The following ZMAT2 variants were observed in gnomAD, a reference collection of about 807,000 sequenced individuals.
ZMAT2 encodes zinc finger matrin-type 2.
Under a neutral mutation model 27.5 loss-of-function variants are expected in ZMAT2, and 5 were observed. The ratio of observed to expected loss-of-function variants is 0.18; its 90% confidence interval spans 0.10 to 0.38. ZMAT2 has a LOEUF of 0.38. ZMAT2 is among the 10% of genes least tolerant of loss of function. The probability of loss-of-function intolerance (pLI) is 1.00; values close to 1 mark genes in which losing one functional copy is unlikely to be tolerated. For missense variants in ZMAT2, 124 were observed against 243.9 expected (o/e 0.51, Z 3.27); for synonymous variants, 76 against 78.6 (o/e 0.97, Z 0.17).
intron 5 of ZMAT2, 74 bp downstream of exon 5, chr5:140,704,645 C>A: frequency 6.6e-7 from 1 of 1,509,856 alleles, no homozygotes; most frequent in South Asian, 1.2e-5. Flanking sequence ...ACCCTGTCCT[C>A]ATCCCACTCC....
chr5:140,703,822 C>A, intron 3 of ZMAT2, 96 bp from the exon 4 acceptor site: 1 of 1,168,218 alleles, frequency 8.6e-7, no homozygotes, highest in South Asian at 1.2e-5. Context: ...CTTAACACTT[C>A]TAAAAAGAAG....
chr5:140,705,890 G>C lies in ZMAT2; in HGVS notation c.*134G>C. On this transcript the variant is annotated 3_prime_UTR_variant, in exon 6 of 6. Coordinates refer to ENST00000274712, the MANE Select transcript of ZMAT2 (RefSeq NM_144723.3). ...TGTCAATGGGGAGGGATAGAGGGTG[G>C]GGGCTCATGGTTTCCCTCTACTTTG... The C allele has an allele frequency of 1.1e-5, 13 of 1,188,124 alleles. No homozygotes were observed. Among genetic ancestry groups the C allele is most frequent in the Non-Finnish European group, 1.4e-5 (12 of 866,304 alleles). 73.6% of individuals were successfully genotyped at this position (1,188,124 alleles called of 1,614,324 possible). A position where few individuals can be genotyped will look rare whatever the true frequency, so the allele number is the denominator to read the frequency against.
intron 3 of ZMAT2, among the ~76,000 whole-genome samples, chr5:140,702,964 G>C (rs188229704): frequency 6.6e-6 from 1 of 152,278 alleles, no homozygotes; most frequent in East Asian, 1.9e-4. Flanking sequence ...GTTATCTATT[G>C]TTATGTAAAT....
At chr5:140,705,287 T>C (rs1760035908) in intron 5 of ZMAT2, among the ~76,000 whole-genome samples, 1 of 151,434 alleles carries the variant, frequency 6.6e-6, no homozygotes, top group Non-Finnish European at 1.5e-5. Context: ...ATACCCACTG[T>C]CCCCCACAAC....
intron 3 of ZMAT2, among the ~76,000 whole-genome samples, chr5:140,703,685 ACT>A (rs1003328189): frequency 1.3e-4 from 19 of 151,788 alleles, no homozygotes; most frequent in African/African-American, 4.6e-4. Flanking sequence ...AAACAGACCA[ACT>A]CTGGTACAAA....
chr5:140,705,984 A>G lies in ZMAT2; in HGVS notation c.*228A>G. On this transcript the variant is annotated 3_prime_UTR_variant, in exon 6 of 6. Transcript: ENST00000274712. ...TCTGCCTCAGTGTATCACTGGAGTCACAGGACCCTGCCCACCTGAGTTCCC... is the reference window on the plus strand; with the variant it reads ...TCTGCCTCAGTGTATCACTGGAGTCGCAGGACCCTGCCCACCTGAGTTCCC... 4.1e-6 allele frequency: 2 copies of G among 490,654 alleles called. No homozygotes were observed. Among genetic ancestry groups the G allele is most frequent in the Non-Finnish European group, 6.8e-6 (2 of 293,970 alleles). The allele number at this position is 490,654 out of a possible 1,614,324, so 30.4% of individuals were successfully genotyped here.
At chr5:140,702,236 C>T (rs1759975302) in intron 3 of ZMAT2, 107 bp downstream of exon 3, 11 of 1,365,568 alleles carry the variant, frequency 8.1e-6, no homozygotes, top group Non-Finnish European at 1.0e-5. Context: ...GGATTACGTC[C>T]TTCTTGCCTG....
intron 1 of ZMAT2, 77 bp downstream of exon 1, chr5:140,700,555 C>CA: frequency 1.2e-6 from 2 of 1,603,850 alleles, no homozygotes; most frequent in Non-Finnish European, 1.7e-6. Flanking sequence ...CAAACTCCTG[C>CA]ACCCGACTGG....
At chr5:140,704,909 C>A (rs1760030890) in intron 5 of ZMAT2, among the ~76,000 whole-genome samples, 2 of 150,524 alleles carry the variant, frequency 1.3e-5, no homozygotes, top group Non-Finnish European at 2.9e-5. Context: ...TATCATAAGT[C>A]AAAAATACAT....
chr5:140,704,286 A>C, intron 4 of ZMAT2, 140 bp from the exon 5 acceptor site: 1 of 1,200,910 alleles, frequency 8.3e-7, no homozygotes, highest in Non-Finnish European at 1.2e-6. Context: ...TCCTGGACCC[A>C]GCTGGCCAAG....
At chr5:140,705,568 T>C (rs557631403) in intron 5 of ZMAT2, 45 bp from the exon 6 acceptor site, 3 of 1,562,966 alleles carry the variant, frequency 1.9e-6, no homozygotes, top group Admixed American at 2.0e-5. Context: ...CAAACAACAT[T>C]TGGCTGAGGA....
Position 140,700,452 on chromosome 5 carries a change from G to T in ZMAT2, c.-9G>T, listed in dbSNP as rs752197436. The T allele has an allele frequency of 6.2e-7, 1 of 1,612,894 alleles. No homozygotes were observed. Among genetic ancestry groups the T allele is most frequent in the Non-Finnish European group, 8.5e-7 (1 of 1,179,870 alleles). On this transcript the variant is annotated 5_prime_UTR_variant, in exon 1 of 6. Coordinates refer to ENST00000274712, the MANE Select transcript of ZMAT2 (RefSeq NM_144723.3). ...CGTTTTTCAGCTCGCCATTCACTTCGCTGTGAAGATGGCGTCGGGCAGCGG... is the reference window on the plus strand; with the variant it reads ...CGTTTTTCAGCTCGCCATTCACTTCTCTGTGAAGATGGCGTCGGGCAGCGG...
At chr5:140,705,213 A>G (rs1158567689) in intron 5 of ZMAT2, among the ~76,000 whole-genome samples, 1 of 152,164 alleles carries the variant, frequency 6.6e-6, no homozygotes, top group African/African-American at 2.4e-5. Flanking sequence ...TTAAAAGACT[A>G]AACTTTTTTT....
At chr5:140,705,540 G>C in intron 5 of ZMAT2, 73 bp from the exon 6 acceptor site, 1 of 1,515,568 alleles carries the variant, frequency 6.6e-7, no homozygotes, top group Non-Finnish European at 8.9e-7. Flanking sequence ...GCATGCCCCA[G>C]AATGTTAGTT....
At chr5:140,701,172 G>A (rs73273322) in intron 2 of ZMAT2, among the ~76,000 whole-genome samples, 3 of 152,136 alleles carry the variant, frequency 2.0e-5, no homozygotes, top group Admixed American at 2.0e-4. Context: ...CTTTCCTGAA[G>A]TACAGAGAAG....
intron 3 of ZMAT2, among the ~76,000 whole-genome samples, chr5:140,703,341 A>C (rs751088687): frequency 1.3e-5 from 2 of 151,332 alleles, no homozygotes; most frequent in South Asian, 4.2e-4. Flanking sequence ...CCTGGGTTCA[A>C]GCGATTCTCC....
At position 140,705,787 on chromosome 5, in the gene ZMAT2, A is replaced by C. The variant is rs577155951; in HGVS notation, c.*31A>C. 3.3e-5 allele frequency: 53 copies of C among 1,607,976 alleles called. No homozygotes were observed. The highest frequency in any genetic ancestry group is 4.5e-5 in the Non-Finnish European group (53 of 1,177,506). On this transcript the variant is annotated 3_prime_UTR_variant, in exon 6 of 6. Coordinates refer to ENST00000274712, the MANE Select transcript of ZMAT2 (RefSeq NM_144723.3). ...TCTGTGCTTGGCCTGACTTTGGCCT[A>C]TGCTGGACCTAACTTTGCGTGTGTG...
intron 5 of ZMAT2, among the ~76,000 whole-genome samples, chr5:140,704,955 CCT>C (rs1180624567): frequency 2.0e-5 from 3 of 151,948 alleles, no homozygotes; most frequent in Non-Finnish European, 2.9e-5. Context: ...GCCTAGCCTA[CCT>C]TAATGTGCTC....
At chr5:140,700,702 C>G (rs1759943635) in intron 1 of ZMAT2, 117 bp from the exon 2 acceptor site, 4 of 1,336,646 alleles carry the variant, frequency 3.0e-6, no homozygotes, top group Non-Finnish European at 4.2e-6. Flanking sequence ...TCGTACAGTC[C>G]AAAGAGGCTT....
Sources: allele counts gnomAD v4.1 joint callset (sites outside exome capture counted in the v4.1 genomes callset), GRCh38; gene constraint gnomAD v4.1.1; transcripts MANE v1.5; gene names NCBI Gene and HGNC (gene_info 2026-07-23, HGNC 2026-07-21).